Variants in NOM1 observed in about 807,000 individuals in gnomAD.
NOM1 encodes the protein nucleolar MIF4G domain-containing protein 1.
In NOM1, 58 loss-of-function variants were observed where a neutral mutation model predicts 73.3. That is an observed-to-expected ratio of 0.79 (90% confidence interval 0.64 to 0.99). The LOEUF (loss-of-function observed/expected upper bound fraction) is 0.99, where lower values mean the gene tolerates loss of function less well. Among genes scored for constraint, NOM1 ranks in the 50% least tolerant of loss-of-function variants. The pLI is 0.00. For missense variants in NOM1, 1,226 were observed against 1,131.9 expected (o/e 1.08, Z -1.19); for synonymous variants, 487 against 446.8 (o/e 1.09, Z -1.14).
chr7:156,957,736 CTG>C (rs376197194), intron 3 of NOM1, among the ~76,000 whole-genome samples: 2 of 27,780 alleles, frequency 7.2e-5, no homozygotes, highest in African/African-American at 2.9e-4. Flanking sequence ...GATCGCACCA[CTG>C]CACTCCAGCC....
In NOM1 at chr7:156,950,701, G is replaced by C. The variant is rs1804570900; in HGVS notation, c.964G>C (p.Glu322Gln). Residue 322 changes from glutamate to glutamine, a missense_variant, in exon 1 of 11, where the codon GAG (glutamate) becomes CAG (glutamine). Transcript: ENST00000275820. ...TGAAGAAAAGAGTGAAAATTCCTCG[G>C]AGGACGGTGACATAACGGATAAGGT... ...EDEEKSENSS[E>Q]DGDITDKSLC... 2 of 1,551,522 alleles carry C rather than the reference G, an allele frequency of 1.3e-6. No homozygotes were observed.
intron 4 of NOM1, among the ~76,000 whole-genome samples, chr7:156,960,980 G>A (rs1399870754): frequency 6.6e-6 from 1 of 152,168 alleles, no homozygotes; most frequent in Non-Finnish European, 1.5e-5. Context: ...GGGGCACAGG[G>A]GACCGTGCAG....
chr7:156,960,817 G>A (rs1156294138), intron 4 of NOM1, among the ~76,000 whole-genome samples: 2 of 152,182 alleles, frequency 1.3e-5, no homozygotes, highest in African/African-American at 4.8e-5. Flanking sequence ...AGAGGCATGA[G>A]GTGGTCGAAG....
At position 156,950,026 on chromosome 7, in the gene NOM1, C is replaced by G. The variant is rs556125466; in HGVS notation, c.289C>G (p.Arg97Gly). 1 of 1,541,870 alleles carries G rather than the reference C, an allele frequency of 6.5e-7. No homozygotes were observed. Among genetic ancestry groups the G allele is most frequent in the Non-Finnish European group, 8.7e-7 (1 of 1,146,872 alleles). Residue 97 changes from arginine (R) to glycine (G), a missense_variant, in exon 1 of 11, where the codon CGG (arginine) becomes GGG (glycine). Arg to Gly is a moderately radical substitution (Grantham distance 125, BLOSUM62 -2). Coordinates refer to ENST00000275820, the MANE Select transcript of NOM1 (RefSeq NM_138400.2). Reference protein sequence around the residue: ...KEKRHLRKARRLQRTAGPEQG... With the variant: ...KEKRHLRKARGLQRTAGPEQG... ...GAAGCGGCACCTGCGGAAAGCACGC[C>G]GGCTGCAGAGGACGGCGGGCCCCGA... is the stretch of plus-strand genomic sequence containing the variant.
At chr7:156,968,690 TATATATATATATATA>T (rs1805066103) in intron 9 of NOM1, 1 of 482 alleles carries the variant, frequency 2.1e-3, no homozygotes, top group Non-Finnish European at 6.4e-3. Context: ...GTAAATTTTA[TATATATATATATATA>T]TATATATATA....
At chr7:156,966,195 G>C in intron 7 of NOM1, 75 bp from the exon 8 acceptor site, 1 of 1,570,662 alleles carries the variant, frequency 6.4e-7, no homozygotes, top group South Asian at 1.1e-5. Context: ...GCGGGAAGAT[G>C]TTCCCCTGAA....
chr7:156,962,923 G>T, intron 5 of NOM1, 85 bp from the exon 6 acceptor site: 1 of 1,425,608 alleles, frequency 7.0e-7, no homozygotes, highest in Non-Finnish European at 9.5e-7. Context: ...GAAATGTCAT[G>T]GTCAAAAACA....
chr7:156,968,739 A>G (rs753472216), intron 9 of NOM1: 4 of 132,184 alleles, frequency 3.0e-5, no homozygotes, highest in Non-Finnish European at 6.2e-5. Flanking sequence ...ATATAGTTTT[A>G]ATTAGGGGAT....
Position 156,972,362 on chromosome 7 carries a change from A to G in NOM1, c.*2659A>G, listed in dbSNP as rs1272293240. Reference sequence around the variant, plus strand: ...ATATGCAGTAACCCATGTTTGAGGTACAGAATTGAAGCTGATTTTTCTGCA... The same window carrying G: ...ATATGCAGTAACCCATGTTTGAGGTGCAGAATTGAAGCTGATTTTTCTGCA... On this transcript the variant is annotated 3_prime_UTR_variant, in exon 11 of 11. Coordinates refer to ENST00000275820, the MANE Select transcript of NOM1 (RefSeq NM_138400.2). 1.3e-5 allele frequency: 2 copies of G among 152,246 alleles called. No homozygotes were observed. Among genetic ancestry groups the G allele is most frequent in the Admixed American group, 1.3e-4 (2 of 15,286 alleles). 9.4% of individuals were successfully genotyped at this position (152,246 alleles called of 1,614,324 possible).
chr7:156,951,523 C>T (rs1177176895), intron 1 of NOM1, among the ~76,000 whole-genome samples: 2 of 152,156 alleles, frequency 1.3e-5, no homozygotes, highest in Admixed American at 6.5e-5. Context: ...CCTGCATTTC[C>T]TTCTCCCCAC....
At chr7:156,963,242 T>A in intron 6 of NOM1, 67 bp downstream of exon 6, 7 of 1,543,880 alleles carry the variant, frequency 4.5e-6, no homozygotes, top group Non-Finnish European at 5.4e-6. Flanking sequence ...GGTCCTGGCT[T>A]TACCTGGAGC....
intron 3 of NOM1, among the ~76,000 whole-genome samples, chr7:156,957,323 T>G (rs1804747600): frequency 6.6e-6 from 1 of 152,180 alleles, no homozygotes; most frequent in Admixed American, 6.5e-5. Flanking sequence ...CATGTTAAAA[T>G]TTCCACATCA....
Position 156,959,848 on chromosome 7 carries a change from C to A in NOM1, c.1309-3C>A. 6.2e-7 allele frequency: 1 copy of A among 1,613,468 alleles called. No individual in the cohort carries two copies. Among genetic ancestry groups the A allele is most frequent in the Non-Finnish European group, 8.5e-7 (1 of 1,179,642 alleles). ...TAATCTTTTTTCTGTGTGGTTCTTT[C>A]AGGTCGGTGCCCACTTTCTGGAGGC... On this transcript the variant is annotated splice_region_variant and splice_polypyrimidine_tract_variant and intron_variant, in intron 3 of 10. Coordinates refer to ENST00000275820, the MANE Select transcript of NOM1 (RefSeq NM_138400.2).
chr7:156,965,715 A>G (rs910959537), intron 7 of NOM1, among the ~76,000 whole-genome samples: 2 of 152,214 alleles, frequency 1.3e-5, no homozygotes, highest in Admixed American at 6.5e-5. Context: ...CAGGAGTTCG[A>G]GAGCAGCCTG....
chr7:156,955,149 C>A (rs1158492010), intron 3 of NOM1, among the ~76,000 whole-genome samples: 3 of 152,194 alleles, frequency 2.0e-5, no homozygotes, highest in Non-Finnish European at 2.9e-5. Context: ...GTCCACCCCA[C>A]CCCCACATCC....
rs1804659292 is a variant in NOM1 at position 156,954,102 on chromosome 7, G to T, written c.1113-1G>T. Reference sequence around the variant, plus strand: ...CTCTCTGTCTTTACAATTCTCTGCAGGTTGAGTGAACCCAACATGGCTTCC... The same window carrying T: ...CTCTCTGTCTTTACAATTCTCTGCATGTTGAGTGAACCCAACATGGCTTCC... On this transcript the variant is annotated splice_acceptor_variant, in intron 2 of 10. Coordinates refer to ENST00000275820, the MANE Select transcript of NOM1 (RefSeq NM_138400.2). LOFTEE classifies it high-confidence loss of function. The T allele has an allele frequency of 6.2e-7, 1 of 1,604,168 alleles. No homozygotes were observed. Among genetic ancestry groups the T allele is most frequent in the Non-Finnish European group, 8.5e-7 (1 of 1,177,100 alleles).
chr7:156,967,784 A>G (rs530790271), intron 9 of NOM1, among the ~76,000 whole-genome samples: 57 of 152,236 alleles, frequency 3.7e-4, no homozygotes, highest in African/African-American at 1.3e-3. Context: ...CAGCCTCCCA[A>G]AGTGCTAATA....
In NOM1 at chr7:156,967,073, T is replaced by A. The variant is rs2134798388; in HGVS notation, c.2279T>A (p.Leu760His). Residue 760 changes from leucine to histidine, a missense_variant, in exon 9 of 11, where the codon CTT becomes CAT. Coordinates refer to ENST00000275820, the MANE Select transcript of NOM1 (RefSeq NM_138400.2). ...GCCCACTTGTTGAAGACAAAATCGC[T>A]TTCCCTTTCCATCTTAAAGGTTCGT... ...LVAHLLKTKS[L>H]SLSILKVVEF... 6.2e-7 allele frequency: 1 copy of A among 1,612,966 alleles called. No homozygotes were observed. The highest frequency in any genetic ancestry group is 8.5e-7 in the Non-Finnish European group (1 of 1,179,730).
rs1482061404 is a variant in NOM1 at position 156,954,195 on chromosome 7, C to G, written c.1205C>G (p.Ser402Cys). Residue 402 changes from serine (S) to cysteine (C), a missense_variant, in exon 3 of 11, where the codon TCC becomes TGC. Ser to Cys is a moderately radical substitution (Grantham distance 112). Coordinates refer to ENST00000275820, the MANE Select transcript of NOM1 (RefSeq NM_138400.2). ...AAGGACATGAATGACACCCTGACCT[C>G]CGCTCTCATGGGTGCCTGCGTCACT... ...SRKDMNDTLT[S>C]ALMGACVTAS... 4 of 1,613,826 alleles carry G rather than the reference C, an allele frequency of 2.5e-6. No individual in the cohort carries two copies. In the Admixed American group the frequency reaches 6.7e-5, roughly 27 times the overall value.
Sources: gnomAD v4.1 joint callset for allele counts (sites outside exome capture counted in the v4.1 genomes callset) on GRCh38, gnomAD v4.1.1 for gene constraint, MANE v1.5 for transcripts, NCBI Gene and HGNC (gene_info 2026-07-23, HGNC 2026-07-21) for gene names.